Variants in TMSB15B observed in about 807,000 individuals in gnomAD.
TMSB15B encodes the protein thymosin beta-15B.
chrX:103,940,780 G>A (rs1278687484), intron 1 of TMSB15B, among the ~76,000 whole-genome samples: 3 of 111,784 alleles, frequency 2.7e-5, no homozygotes, highest in Non-Finnish European at 5.6e-5. Flanking sequence ...CCTACGGCTA[G>A]CTTGGTGTCT....
chrX:103,933,644 C>T (rs782200443), intron 1 of TMSB15B, among the ~76,000 whole-genome samples: 5 of 111,506 alleles, frequency 4.5e-5, no homozygotes, highest in Non-Finnish European at 9.4e-5. Flanking sequence ...ACATTATATA[C>T]TTTATAAACT....
chrX:103,930,467 C>T (rs2074981530), intron 1 of TMSB15B, among the ~76,000 whole-genome samples: 1 of 111,010 alleles, frequency 9.0e-6, no homozygotes, highest in Admixed American at 9.6e-5. Flanking sequence ...ATACCTCCCA[C>T]TAGACCGTAA....
chrX:103,942,926 T>C (rs1602440943), intron 1 of TMSB15B, among the ~76,000 whole-genome samples: 3 of 111,885 alleles, frequency 2.7e-5, no homozygotes, highest in African/African-American at 9.7e-5. Context: ...TTATATGTGT[T>C]GATGCCTCAT....
At chrX:103,954,442 G>A (rs782661566) in intron 1 of TMSB15B, among the ~76,000 whole-genome samples, 5 of 111,287 alleles carry the variant, frequency 4.5e-5, no homozygotes, top group Admixed American at 2.8e-4. Flanking sequence ...CCAGTGAGGC[G>A]GATCCTATGG....
intron 1 of TMSB15B, chrX:103,928,553 G>A (rs2074975678): frequency 4.2e-6 from 5 of 1,179,108 alleles, no homozygotes; most frequent in Non-Finnish European, 5.8e-6. Flanking sequence ...CGCTTACCCA[G>A]CACCTTCAGC....
intron 1 of TMSB15B, among the ~76,000 whole-genome samples, chrX:103,926,897 C>T (rs1414532865): frequency 8.2e-5 from 9 of 110,280 alleles, no homozygotes; most frequent in Non-Finnish European, 3.8e-5. Flanking sequence ...CCCTGTCTTC[C>T]TGCCCCACAC....
intron 1 of TMSB15B, among the ~76,000 whole-genome samples, chrX:103,949,507 G>A (rs183237800): frequency 6.6e-4 from 74 of 111,754 alleles, no homozygotes; most frequent in African/African-American, 2.2e-3. Flanking sequence ...GAGCCAAAAC[G>A]ATTTCCTGAT....
intron 1 of TMSB15B, among the ~76,000 whole-genome samples, chrX:103,922,437 A>G (rs1238175935): frequency 3.1e-5 from 3 of 98,005 alleles, no homozygotes; most frequent in Admixed American, 1.2e-4. Flanking sequence ...ATTCCCACCT[A>G]TGAGTGAGAA....
At chrX:103,921,591 C>T (rs1411031747) in intron 1 of TMSB15B, among the ~76,000 whole-genome samples, 2 of 112,079 alleles carry the variant, frequency 1.8e-5, no homozygotes, top group Non-Finnish European at 3.8e-5. Context: ...CAATTGGATA[C>T]AGGACATCCT....
chrX:103,954,089 C>T (rs2075045470), intron 1 of TMSB15B, among the ~76,000 whole-genome samples: 1 of 111,891 alleles, frequency 8.9e-6, no homozygotes, highest in Non-Finnish European at 1.9e-5. Context: ...TGGTGTGGAG[C>T]CCCCAGGAGA....
At chrX:103,945,721 G>A (rs1247695330) in intron 1 of TMSB15B, among the ~76,000 whole-genome samples, 1 of 112,057 alleles carries the variant, frequency 8.9e-6, no homozygotes, top group Non-Finnish European at 1.9e-5. Context: ...AATAAGGCAT[G>A]GTTTCTGCTC....
chrX:103,924,771 G>A (rs1239302569), intron 1 of TMSB15B, among the ~76,000 whole-genome samples: 3 of 111,353 alleles, frequency 2.7e-5, no homozygotes, highest in Admixed American at 9.5e-5. Flanking sequence ...AGACTGGCTC[G>A]GACAGTCTGG....
chrX:103,954,030 A>T (rs1376499865), intron 1 of TMSB15B, among the ~76,000 whole-genome samples: 7 of 111,247 alleles, frequency 6.3e-5, no homozygotes, highest in African/African-American at 2.0e-4. Context: ...CAGCACAAAA[A>T]CTCTATCCTG....
chrX:103,948,187 T>G (rs1389582206), intron 1 of TMSB15B, among the ~76,000 whole-genome samples: 3 of 111,661 alleles, frequency 2.7e-5, no homozygotes, highest in Non-Finnish European at 5.6e-5. Context: ...TTAAAGTCAA[T>G]TTAAAAAAAG....
chrX:103,945,200 A>C (rs147792679), intron 1 of TMSB15B, among the ~76,000 whole-genome samples: 1 of 112,880 alleles, frequency 8.9e-6, no homozygotes, highest in Non-Finnish European at 1.9e-5. Flanking sequence ...CAACTGATGC[A>C]TAGTAGATGC....
chrX:103,927,539 G>T (rs1473468737), intron 1 of TMSB15B, among the ~76,000 whole-genome samples: 13 of 111,609 alleles, frequency 1.2e-4, no homozygotes, highest in African/African-American at 4.2e-4. Flanking sequence ...TACAACTTGG[G>T]CAGGAATCTA....
intron 1 of TMSB15B, among the ~76,000 whole-genome samples, chrX:103,920,267 A>G (rs1407342244): frequency 9.0e-6 from 1 of 111,561 alleles, no homozygotes; most frequent in Admixed American, 9.5e-5. Flanking sequence ...AAAGTGAGTA[A>G]AAAGTGGGCT....
rs1249733338 is a variant in TMSB15B, at chrX:103,928,442, G to A, written c.-721+9150G>A. The A allele has an allele frequency of 4.7e-5, 56 of 1,202,056 alleles. 1 individual carries two copies. In the Admixed American group the frequency reaches 4.8e-4, roughly 10 times the overall value. On this transcript the variant is annotated intron_variant, in intron 1 of 3. Transcript: ENST00000419165. ...CCTGTTGGGCCACACACCCTGGGACGCCACTGGGCTGCAGGGATCATGTCT... is the reference window on the plus strand; with the variant it reads ...CCTGTTGGGCCACACACCCTGGGACACCACTGGGCTGCAGGGATCATGTCT...
chrX:103,938,349 C>T (rs868914432), intron 1 of TMSB15B, among the ~76,000 whole-genome samples: 3 of 111,732 alleles, frequency 2.7e-5, no homozygotes, highest in Non-Finnish European at 3.8e-5. Context: ...CTCCTGTATT[C>T]GTTGCATATA....
Sources: gnomAD v4.1 joint callset for allele counts (sites outside exome capture counted in the v4.1 genomes callset) on GRCh38, gnomAD v4.1.1 for gene constraint, MANE v1.5 for transcripts, NCBI Gene and HGNC (gene_info 2026-07-23, HGNC 2026-07-21) for gene names.